Variants in GTF2E2 observed in about 807,000 individuals in gnomAD.
The protein encoded by GTF2E2 is general transcription factor IIE subunit 2.
In GTF2E2, 21 loss-of-function variants were observed where a neutral mutation model predicts 40.5. The ratio of observed to expected loss-of-function variants is 0.52; its 90% CI spans 0.37 to 0.75. GTF2E2 has a LOEUF of 0.75. GTF2E2 is among the 30% of genes least tolerant of loss of function. The probability of loss-of-function intolerance (pLI) is 0.00; values close to 1 mark genes in which losing one functional copy is unlikely to be tolerated. For missense variants in GTF2E2, 298 were observed against 338.4 expected, an observed-to-expected ratio of 0.88 and a Z score of 0.94; for synonymous variants, 117 against 121.6, an observed-to-expected ratio of 0.96 and a Z score of 0.25.
At chr8:30,625,023 G>A (rs868102860) in intron 3 of GTF2E2, among the ~76,000 whole-genome samples, 46 of 151,822 alleles carry the variant, frequency 3.0e-4, no homozygotes, top group Middle Eastern at 6.8e-3. Flanking sequence ...TGATTGCCCT[G>A]GCCAGAACTT....
At position 30,649,854 on chromosome 8, in the gene GTF2E2, A is replaced by G. The variant is rs1031389475; in HGVS notation, c.166+3579T>C. On this transcript the variant is annotated intron_variant, in intron 2 of 7. Coordinates refer to ENST00000355904, the MANE Select transcript of GTF2E2 (RefSeq NM_002095.6). ...GGGAGTACTTTGAAAAACCTCAGACAATGTAAATGATGAATGAATAAACTT... is the reference window on the plus strand; with the variant it reads ...GGGAGTACTTTGAAAAACCTCAGACGATGTAAATGATGAATGAATAAACTT... Among the ~76,000 whole-genome samples, 3 of 152,238 alleles carry G rather than the reference A, an allele frequency of 2.0e-5. No individual in the cohort carries two copies. The East Asian group carries it at 5.8e-4, about 29-fold the overall frequency.
At chr8:30,612,252 T>G in intron 5 of GTF2E2, 47 bp downstream of exon 5, 1 of 1,165,504 alleles carries the variant, frequency 8.6e-7, no homozygotes, top group Non-Finnish European at 1.3e-6. Context: ...CAAGAAGTCA[T>G]TATTCATTCA....
At chr8:30,586,376 C>G (rs1172058578) in intron 6 of GTF2E2, among the ~76,000 whole-genome samples, 1 of 152,136 alleles carries the variant, frequency 6.6e-6, no homozygotes, top group Non-Finnish European at 1.5e-5. Context: ...ATAAAAGAGA[C>G]TTTGGTGACT....
chr8:30,611,501 C>T (rs1451173916), intron 5 of GTF2E2, among the ~76,000 whole-genome samples: 3 of 151,790 alleles, frequency 2.0e-5, no homozygotes, highest in African/African-American at 7.3e-5. Flanking sequence ...AAACAGAAAC[C>T]AGAAGAAAAA....
chr8:30,625,612 G>GT (rs910591690), intron 3 of GTF2E2, among the ~76,000 whole-genome samples: 8 of 151,302 alleles, frequency 5.3e-5, no homozygotes, highest in African/African-American at 2.0e-4. Flanking sequence ...ACTGTCTGTT[G>GT]TTTTTTGTTT....
chr8:30,592,516 T>G (rs774339947), intron 6 of GTF2E2, among the ~76,000 whole-genome samples: 5 of 152,216 alleles, frequency 3.3e-5, no homozygotes, highest in Admixed American at 6.5e-5. Flanking sequence ...CATGGGGGAT[T>G]GGTTCCAGGA....
chr8:30,630,610 C>T (rs1036361099), intron 3 of GTF2E2, among the ~76,000 whole-genome samples: 2 of 151,962 alleles, frequency 1.3e-5, no homozygotes, highest in African/African-American at 4.8e-5. Context: ...CTTTACCTTC[C>T]ACCTCCCCCC....
chr8:30,657,363 C>A (rs756784738), intron 1 of GTF2E2, among the ~76,000 whole-genome samples: 3 of 152,158 alleles, frequency 2.0e-5, no homozygotes, highest in Non-Finnish European at 4.4e-5. Context: ...ATTCTTGCCA[C>A]CATTCGACCT....
chr8:30,581,920 C>G (rs1005639130), intron 6 of GTF2E2, among the ~76,000 whole-genome samples: 5 of 152,216 alleles, frequency 3.3e-5, no homozygotes, highest in African/African-American at 7.2e-5. Flanking sequence ...TCTACTACAG[C>G]CTAGACAAGA....
chr8:30,626,675 T>C (rs1170176916), intron 3 of GTF2E2, among the ~76,000 whole-genome samples: 1 of 152,134 alleles, frequency 6.6e-6, no homozygotes, highest in Admixed American at 6.6e-5. Flanking sequence ...CCAGGAACAA[T>C]TCTAATAAGG....
At chr8:30,615,401 A>T (rs925548448) in intron 3 of GTF2E2, among the ~76,000 whole-genome samples, 1 of 152,190 alleles carries the variant, frequency 6.6e-6, no homozygotes, top group African/African-American at 2.4e-5. Context: ...CTAGAAACTT[A>T]TCCTACAGAA....
At chr8:30,627,075 T>C (rs1585980672) in intron 3 of GTF2E2, among the ~76,000 whole-genome samples, 1 of 152,176 alleles carries the variant, frequency 6.6e-6, no homozygotes, top group Non-Finnish European at 1.5e-5. Context: ...CATGCCAGCA[T>C]GTTAAATGAC....
intron 6 of GTF2E2, among the ~76,000 whole-genome samples, chr8:30,595,097 C>T (rs762024680): frequency 6.6e-6 from 1 of 152,096 alleles, no homozygotes; most frequent in Non-Finnish European, 1.5e-5. Context: ...TGGCTTATTA[C>T]ATTTTTTTCA....
At position 30,578,805 on chromosome 8, in the gene GTF2E2, C is replaced by T; in HGVS notation, c.*116G>A. ...ATTTGCACTTGTTTTGTAAACTGAA[C>T]TGCTCCTCTCCTCAGCCGCAAGAAG... On this transcript the variant is annotated 3_prime_UTR_variant, in exon 8 of 8. Transcript: ENST00000355904. The T allele has an allele frequency of 1.5e-6, 1 of 687,628 alleles. No homozygotes were observed. Among genetic ancestry groups the T allele is most frequent in the East Asian group, 2.6e-5 (1 of 38,920 alleles). The allele number at this position is 687,628 out of a possible 1,614,324, so 42.6% of individuals were successfully genotyped here.
chr8:30,608,910 G>C (rs969586521), intron 5 of GTF2E2, among the ~76,000 whole-genome samples: 1 of 152,130 alleles, frequency 6.6e-6, no homozygotes. Context: ...CACCACGCCC[G>C]GCTAATTTTT....
chr8:30,598,525 C>G (rs909127283), intron 6 of GTF2E2, among the ~76,000 whole-genome samples: 1 of 152,174 alleles, frequency 6.6e-6, no homozygotes, highest in African/African-American at 2.4e-5. Context: ...TGAATAAAAA[C>G]TCTTCAATTT....
chr8:30,618,857 A>T (rs1473102183), intron 3 of GTF2E2, among the ~76,000 whole-genome samples: 1 of 152,188 alleles, frequency 6.6e-6, no homozygotes, highest in Non-Finnish European at 1.5e-5. Flanking sequence ...TATTTCCATC[A>T]TTATGTGATT....
chr8:30,580,672 C>T lies in GTF2E2; in HGVS notation c.644-276G>A, dbSNP rs1017235739. Among the ~76,000 whole-genome samples, 9 of 152,236 alleles carry T rather than the reference C, an allele frequency of 5.9e-5. No individual in the cohort carries two copies. The South Asian group carries it at 1.2e-3, about 21-fold the overall frequency. ...ATGAAGCCGCCCTGCTTTCCTGGGC[C>T]GTCAACACCCTCCTTTAATTCCTCT... On this transcript the variant is annotated intron_variant, in intron 6 of 7. Transcript: ENST00000355904.
At chr8:30,582,241 C>T (rs1828536676) in intron 6 of GTF2E2, among the ~76,000 whole-genome samples, 2 of 152,152 alleles carry the variant, frequency 1.3e-5, no homozygotes. Context: ...CTAGGCTGGG[C>T]TCAAACTCCT....
Sources: allele counts gnomAD v4.1 joint callset (sites outside exome capture counted in the v4.1 genomes callset), GRCh38; gene constraint gnomAD v4.1.1; transcripts MANE v1.5; gene names NCBI Gene and HGNC (gene_info 2026-07-23, HGNC 2026-07-21).